Variants in PRDM5 observed in about 807,000 individuals in gnomAD.
PRDM5 encodes the protein PR domain zinc finger protein 5.
In PRDM5, 56 loss-of-function variants were observed where a neutral mutation model predicts 81.2. The ratio of observed to expected loss-of-function variants is 0.69; its 90% confidence interval spans 0.56 to 0.86. The LOEUF is 0.86. Ranked by LOEUF, PRDM5 falls within the 40% of genes least tolerant of loss-of-function variation. The probability of loss-of-function intolerance (pLI) is 0.00; values close to 1 mark genes in which losing one functional copy is unlikely to be tolerated. For synonymous variants in PRDM5, 267 were observed against 256.4 expected (o/e 1.04, Z -0.39); for missense variants, 697 against 770.1 (o/e 0.91, Z 1.12).
intron 11 of PRDM5, 61 bp from the exon 12 acceptor site, chr4:120,781,364 G>A: frequency 6.8e-7 from 1 of 1,469,188 alleles, no homozygotes; most frequent in Non-Finnish European, 9.5e-7. Context: ...TTCCTCCCAT[G>A]TATGCCAGAC....
chr4:120,835,422 G>A (rs949236355), intron 3 of PRDM5, among the ~76,000 whole-genome samples: 1 of 152,188 alleles, frequency 6.6e-6, no homozygotes, highest in African/African-American at 2.4e-5. Context: ...GAAAGAGGTA[G>A]AATAAAGGAG....
intron 14 of PRDM5, among the ~76,000 whole-genome samples, chr4:120,732,315 T>G (rs1740386574): frequency 6.6e-6 from 1 of 152,216 alleles, no homozygotes; most frequent in Admixed American, 6.5e-5. Context: ...AAAAAGTTAC[T>G]CATTCTAAAA....
chr4:120,706,238 A>G (rs1736121898), intron 15 of PRDM5, among the ~76,000 whole-genome samples: 1 of 152,126 alleles, frequency 6.6e-6, no homozygotes, highest in Admixed American at 6.6e-5. Context: ...GTGAACCTCG[A>G]CTTCTTCATA....
chr4:120,891,034 T>C (rs1478947055), intron 2 of PRDM5, among the ~76,000 whole-genome samples: 3 of 152,208 alleles, frequency 2.0e-5, no homozygotes, highest in Admixed American at 1.3e-4. Flanking sequence ...ATCTTCATCA[T>C]AAAGTCTTTG....
intron 15 of PRDM5, among the ~76,000 whole-genome samples, chr4:120,701,286 A>C (rs1470102323): frequency 6.6e-6 from 1 of 152,216 alleles, no homozygotes; most frequent in East Asian, 1.9e-4. Context: ...AAAAGAACTT[A>C]AAACAGAACT....
At chr4:120,816,283 A>G (rs1754473807) in intron 7 of PRDM5, 170 bp downstream of exon 7, 6 of 1,000,492 alleles carry the variant, frequency 6.0e-6, no homozygotes, top group Admixed American at 2.2e-5. Flanking sequence ...ATTCAACCTG[A>G]GAAAGAAATA....
At chr4:120,709,714 T>C (rs79312158) in intron 15 of PRDM5, among the ~76,000 whole-genome samples, 5 of 147,906 alleles carry the variant, frequency 3.4e-5, no homozygotes, top group African/African-American at 9.8e-5. Context: ...TGGTTTTTTT[T>C]CCCCTAAATT....
intron 8 of PRDM5, among the ~76,000 whole-genome samples, chr4:120,806,765 A>T (rs1753029879): frequency 6.6e-6 from 1 of 152,198 alleles, no homozygotes; most frequent in Non-Finnish European, 1.5e-5. Context: ...AACCTAGACA[A>T]TACCATTCAG....
intron 2 of PRDM5, among the ~76,000 whole-genome samples, chr4:120,905,577 T>C (rs1765705685): frequency 6.6e-6 from 1 of 152,152 alleles, no homozygotes; most frequent in Non-Finnish European, 1.5e-5. Flanking sequence ...CTGGAGAAGC[T>C]ATTCTGCCTC....
chr4:120,865,297 T>C (rs1761077739), intron 2 of PRDM5, among the ~76,000 whole-genome samples: 1 of 152,158 alleles, frequency 6.6e-6, no homozygotes, highest in Admixed American at 6.5e-5. Flanking sequence ...ATAATCACTC[T>C]CAAATCTCCT....
intron 13 of PRDM5, among the ~76,000 whole-genome samples, chr4:120,763,155 G>A (rs1054696163): frequency 4.6e-5 from 7 of 152,020 alleles, no homozygotes; most frequent in Admixed American, 2.0e-4. Context: ...CAACTCAAAG[G>A]ACATGAGGTT....
Position 120,816,454 on chromosome 4 carries a change from A to G in PRDM5, c.864T>C (p.Thr288=). The G allele has an allele frequency of 6.2e-7, 1 of 1,614,172 alleles. No homozygotes were observed. Among genetic ancestry groups the G allele is most frequent in the Non-Finnish European group, 8.5e-7 (1 of 1,180,018 alleles). Residue 288 remains threonine (T), a splice_region_variant and synonymous_variant, in exon 7 of 16, where the codon ACT becomes ACC. Coordinates refer to ENST00000264808, the MANE Select transcript of PRDM5 (RefSeq NM_018699.4). ...AACGACCCTCCAACGACTCCTCACC[A>G]GTGTGGACATTTTCCTGGTGTCTTT... ...ALKRHQENVH[T]GDPKKKLICS...
chr4:120,756,483 T>C (rs1431231482), intron 13 of PRDM5, among the ~76,000 whole-genome samples: 1 of 152,198 alleles, frequency 6.6e-6, no homozygotes, highest in South Asian at 2.1e-4. Context: ...CTCTGATATA[T>C]CTAGAATTTT....
chr4:120,859,655 G>A (rs1336800978), intron 2 of PRDM5, among the ~76,000 whole-genome samples: 1 of 152,168 alleles, frequency 6.6e-6, no homozygotes. Context: ...TAAGGTAGTA[G>A]CAAACCCAGA....
At chr4:120,774,025 T>A (rs1300914971) in intron 13 of PRDM5, among the ~76,000 whole-genome samples, 1 of 152,246 alleles carries the variant, frequency 6.6e-6, no homozygotes, top group Non-Finnish European at 1.5e-5. Flanking sequence ...TAAACATTTT[T>A]AAATTTTCTA....
intron 13 of PRDM5, among the ~76,000 whole-genome samples, chr4:120,766,685 T>C (rs1453928972): frequency 6.6e-6 from 1 of 152,218 alleles, no homozygotes; most frequent in Non-Finnish European, 1.5e-5. Flanking sequence ...TTGGAAAAAG[T>C]TTAAGCCTCG....
chr4:120,690,610 G>C (rs1187116677), downstream of PRDM5, among the ~76,000 whole-genome samples: 1 of 152,020 alleles, frequency 6.6e-6, no homozygotes, highest in South Asian at 2.1e-4. Flanking sequence ...ATTAAGGAAA[G>C]AAAGCATTAT....
intron 15 of PRDM5, among the ~76,000 whole-genome samples, chr4:120,707,616 A>G (rs1317260406): frequency 6.6e-6 from 1 of 151,974 alleles, no homozygotes; most frequent in Non-Finnish European, 1.5e-5. Flanking sequence ...ATGACCTTGG[A>G]TTTGGCAATG....
rs927198768 is a variant in PRDM5, at chr4:120,720,869, A to G, written c.1624-10456T>C. Reference sequence around the variant, plus strand: ...AATTGGTTTTGCATTGTAGCTAATGAAAAACACACTTCTATAAATTAGGAA... The same window carrying G: ...AATTGGTTTTGCATTGTAGCTAATGGAAAACACACTTCTATAAATTAGGAA... On this transcript the variant is annotated intron_variant, in intron 14 of 15. Transcript: ENST00000264808. Among the ~76,000 whole-genome samples the G allele has an allele frequency of 2.0e-5, 3 of 152,242 alleles. No individual in the cohort carries two copies. The East Asian group carries it at 5.8e-4, about 29-fold the overall frequency.
Sources: gnomAD v4.1 joint callset for allele counts (sites outside exome capture counted in the v4.1 genomes callset) on GRCh38, gnomAD v4.1.1 for gene constraint, MANE v1.5 for transcripts, NCBI Gene and HGNC (gene_info 2026-07-23, HGNC 2026-07-21) for gene names.